The following CBFA2T2 variants were observed in gnomAD, a reference collection of about 807,000 sequenced individuals.
The protein encoded by CBFA2T2 is protein CBFA2T2.
Under a neutral mutation model 62.2 loss-of-function variants are expected in CBFA2T2, and 11 were observed. That is an observed-to-expected ratio of 0.18 (90% confidence interval 0.11 to 0.29). The LOEUF is 0.29. CBFA2T2 is among the 10% of genes least tolerant of loss of function. CBFA2T2 has a pLI of 1.00. For missense variants in CBFA2T2, 592 were observed against 774.1 expected (o/e 0.76, Z 2.79); for synonymous variants, 295 against 287.5 (o/e 1.03, Z -0.27).
At chr20:33,574,114 G>A in intron 1 of CBFA2T2, 2 of 1,556,836 alleles carry the variant, frequency 1.3e-6, no homozygotes, top group Non-Finnish European at 8.7e-7. Context: ...GATGAAGATT[G>A]AGGATGGTAG....
chr20:33,603,648 T>C (rs553149937), intron 1 of CBFA2T2, among the ~76,000 whole-genome samples: 2 of 152,308 alleles, frequency 1.3e-5, no homozygotes, highest in East Asian at 3.9e-4. Flanking sequence ...ACTAAATCTT[T>C]ATGGCTGTTT....
chr20:33,563,580 A>G (rs1009764711), intron 1 of CBFA2T2, among the ~76,000 whole-genome samples: 1 of 151,988 alleles, frequency 6.6e-6, no homozygotes, highest in East Asian at 1.9e-4. Flanking sequence ...TCCATGTTCT[A>G]TGGAAAGAAC....
At chr20:33,534,275 T>G (rs1012761104) in intron 1 of CBFA2T2, among the ~76,000 whole-genome samples, 10 of 152,188 alleles carry the variant, frequency 6.6e-5, no homozygotes, top group Non-Finnish European at 1.2e-4. Context: ...TGTTTAAATC[T>G]TTTACCCATT....
At chr20:33,555,741 G>A (rs2012879641) in intron 1 of CBFA2T2, among the ~76,000 whole-genome samples, 1 of 152,126 alleles carries the variant, frequency 6.6e-6, no homozygotes, top group Non-Finnish European at 1.5e-5. Flanking sequence ...CTATATTCAG[G>A]TTTTATAAAT....
intron 1 of CBFA2T2, among the ~76,000 whole-genome samples, chr20:33,563,159 T>G (rs2013152913): frequency 6.6e-6 from 1 of 152,242 alleles, no homozygotes; most frequent in African/African-American, 2.4e-5. Flanking sequence ...TCTCTTCGTT[T>G]TAGATATATC....
At chr20:33,491,067 C>T (rs898165456) in intron 1 of CBFA2T2, among the ~76,000 whole-genome samples, 1 of 152,144 alleles carries the variant, frequency 6.6e-6, no homozygotes, top group Non-Finnish European at 1.5e-5. Flanking sequence ...TTCCATTTAG[C>T]CATTCCAGTA....
intron 1 of CBFA2T2, among the ~76,000 whole-genome samples, chr20:33,550,545 C>A (rs979799201): frequency 5.3e-5 from 8 of 152,160 alleles, no homozygotes; most frequent in African/African-American, 1.9e-4. Context: ...ACCACCTGTC[C>A]TCAGAGAACA....
intron 1 of CBFA2T2, among the ~76,000 whole-genome samples, chr20:33,583,910 T>TTTTATTTA (rs370631379): frequency 6.6e-6 from 1 of 151,950 alleles, no homozygotes; most frequent in Non-Finnish European, 1.5e-5. Flanking sequence ...GTTTAAGTGA[T>TTTTATTTA]TTTATTTATT....
rs1465934143 is a variant in CBFA2T2, at chr20:33,544,985, T to TAGAACAGAACAGAAC, written c.34+54688_34+54689insCAGAACAGAACAGAA. On this transcript the variant is annotated intron_variant, in intron 1 of 10. Transcript: ENST00000342704. ...TAGAATAGAATAGAATAGAATAGAA[T>TAGAACAGAACAGAAC]AGAATAGAATAGAATAGAATAGAAT... is the stretch of plus-strand genomic sequence containing the variant. 6.5e-3 allele frequency among the ~76,000 whole-genome samples: 871 copies of TAGAACAGAACAGAAC among 134,612 alleles called. 10 individuals carry two copies. The highest frequency in any genetic ancestry group is 0.027 in the African/African-American group (828 of 30,182). The allele number at this position is 134,612 out of a possible 152,430, so 88.3% of individuals were successfully genotyped here. A position where few individuals can be genotyped will look rare whatever the true frequency, so the allele number is the denominator to read the frequency against.
intron 6 of CBFA2T2, among the ~76,000 whole-genome samples, chr20:33,626,480 GTA>G (rs972685901): frequency 6.6e-6 from 1 of 152,134 alleles, no homozygotes; most frequent in African/African-American, 2.4e-5. Flanking sequence ...GGAATGCCTG[GTA>G]TATAGGTGCT....
At chr20:33,497,274 CAAAAAAAA>C (rs34528525) in intron 1 of CBFA2T2, among the ~76,000 whole-genome samples, 166 of 58,086 alleles carry the variant, frequency 2.9e-3, no homozygotes, top group African/African-American at 0.011. Context: ...ACCCTGTCTC[CAAAAAAAA>C]AAAAAAAAAA....
intron 1 of CBFA2T2, among the ~76,000 whole-genome samples, chr20:33,551,859 A>T (rs2012751529): frequency 6.6e-6 from 1 of 151,944 alleles, no homozygotes; most frequent in South Asian, 2.1e-4. Context: ...AAAATCTTCT[A>T]TCACTATTAA....
intron 1 of CBFA2T2, among the ~76,000 whole-genome samples, chr20:33,495,103 A>G (rs1311510248): frequency 6.6e-6 from 1 of 152,030 alleles, no homozygotes; most frequent in Non-Finnish European, 1.5e-5. Flanking sequence ...ATTCGGTAGA[A>G]GTAAAATGTA....
chr20:33,546,353 G>A (rs751402673), intron 1 of CBFA2T2, among the ~76,000 whole-genome samples: 12 of 151,630 alleles, frequency 7.9e-5, no homozygotes, highest in Non-Finnish European at 1.8e-4. Context: ...TGTTTATTTG[G>A]TGTAAATTTT....
chr20:33,530,856 G>A (rs1319556015), intron 1 of CBFA2T2, among the ~76,000 whole-genome samples: 1 of 152,088 alleles, frequency 6.6e-6, no homozygotes, highest in Non-Finnish European at 1.5e-5. Flanking sequence ...CGAGGCGGGC[G>A]GATCATTTGA....
chr20:33,629,089 A>G (rs1020270262), intron 7 of CBFA2T2, among the ~76,000 whole-genome samples: 1 of 152,234 alleles, frequency 6.6e-6, no homozygotes, highest in South Asian at 2.1e-4. Flanking sequence ...TCTGGGCAAC[A>G]TAGCAAGATG....
At chr20:33,514,120 C>G (rs1387682814) in intron 1 of CBFA2T2, among the ~76,000 whole-genome samples, 2 of 150,382 alleles carry the variant, frequency 1.3e-5, no homozygotes, top group Admixed American at 1.3e-4. Flanking sequence ...TCAGGCGGGC[C>G]TCGAACTCCT....
At chr20:33,601,761 A>T (rs2015141380) in intron 1 of CBFA2T2, 1 of 151,964 alleles carries the variant, frequency 6.6e-6, no homozygotes, top group Non-Finnish European at 1.5e-5. Flanking sequence ...CTTCTACCCC[A>T]CACAGCATAG....
chr20:33,608,140 A>G (rs1016619611), intron 2 of CBFA2T2, among the ~76,000 whole-genome samples: 1 of 152,234 alleles, frequency 6.6e-6, no homozygotes, highest in Non-Finnish European at 1.5e-5. Flanking sequence ...CTATATATCT[A>G]TAATCACCAA....
Sources: allele counts gnomAD v4.1 joint callset (sites outside exome capture counted in the v4.1 genomes callset), GRCh38; gene constraint gnomAD v4.1.1; transcripts MANE v1.5; gene names NCBI Gene and HGNC (gene_info 2026-07-23, HGNC 2026-07-21).